IFIH1: variants seen among roughly 807,000 people sequenced by gnomAD.
IFIH1 encodes the protein interferon induced with helicase C domain 1, also known as interferon-induced helicase C domain-containing protein 1.
Under a neutral mutation model 107.4 loss-of-function variants are expected in IFIH1, and 125 were observed. The observed-to-expected ratio is 1.16, with a 90% CI of 1.01 to 1.35. The LOEUF is 1.35. IFIH1 is among the 40% of genes most tolerant of loss of function. IFIH1 has a pLI of 0.00. For missense variants in IFIH1, 1,333 were observed against 1,213.7 expected (o/e 1.10, Z -1.46); for synonymous variants, 458 against 413.2 (o/e 1.11, Z -1.31).
chr2:162,300,620 A>T (rs1265721795), intron 3 of IFIH1, among the ~76,000 whole-genome samples: 2 of 152,174 alleles, frequency 1.3e-5, no homozygotes, highest in African/African-American at 4.8e-5. Flanking sequence ...GCTCAAATTA[A>T]TATGTGTCTT....
intron 3 of IFIH1, among the ~76,000 whole-genome samples, chr2:162,306,435 TCTTATA>T (rs775976619): frequency 5.3e-5 from 8 of 152,214 alleles, no homozygotes; most frequent in Non-Finnish European, 1.0e-4. Context: ...TATAAGGCAT[TCTTATA>T]CTTATCTTAC....
chr2:162,277,352 A>G (rs1316329484), intron 10 of IFIH1, 63 bp downstream of exon 10: 1 of 1,138,322 alleles, frequency 8.8e-7, no homozygotes, highest in Non-Finnish European at 1.3e-6. Flanking sequence ...GCTTATGAGA[A>G]GCAGTAAGTT....
chr2:162,316,273 G>A (rs1171536075), intron 1 of IFIH1, among the ~76,000 whole-genome samples: 2 of 152,172 alleles, frequency 1.3e-5, no homozygotes, highest in African/African-American at 4.8e-5. Context: ...ACTTCTAACA[G>A]CTACTGTGGC....
chr2:162,281,209 C>A, intron 7 of IFIH1, 119 bp downstream of exon 7: 1 of 702,530 alleles, frequency 1.4e-6, no homozygotes, highest in South Asian at 1.9e-5. Flanking sequence ...CTAAAGCAAA[C>A]AGATTTCACT....
Position 162,318,262 on chromosome 2 carries a change from A to C in IFIH1, c.46T>G (p.Ser16Ala). 6.2e-7 allele frequency: 1 copy of C among 1,614,060 alleles called. No individual in the cohort carries two copies. The highest frequency in any genetic ancestry group is 8.5e-7 in the Non-Finnish European group (1 of 1,179,962). ...STDENFRYLISCFRARVKMYI... is the reference protein window; with the variant it reads ...STDENFRYLIACFRARVKMYI... ...ATTTTCACCCTGGCCCTGAAGCACG[A>C]GATGAGATAGCGGAAATTCTCGTCT... The change falls in exon 1 of 16, where the codon TCG (serine) becomes GCG (alanine). Residue 16 changes from serine (S) to alanine (A), a missense_variant. Physicochemically the swap from Ser to Ala is moderately conservative, Grantham distance 99 (BLOSUM62 1). Coordinates refer to ENST00000649979, the MANE Select transcript of IFIH1 (RefSeq NM_022168.4).
At chr2:162,296,675 C>A (rs1452716767) in intron 3 of IFIH1, among the ~76,000 whole-genome samples, 1 of 152,122 alleles carries the variant, frequency 6.6e-6, no homozygotes, top group East Asian at 1.9e-4. Context: ...TGTATTGTCA[C>A]ATTTCTATCC....
chr2:162,272,185 A>G (rs771849312), intron 13 of IFIH1, 41 bp downstream of exon 13: 4 of 1,558,230 alleles, frequency 2.6e-6, no homozygotes, highest in Non-Finnish European at 2.6e-6. Context: ...ACATGCCGCC[A>G]TTTTTAAATG....
chr2:162,267,644 C>A lies in IFIH1; in HGVS notation c.2808-75G>T, dbSNP rs3761652. On this transcript the variant is annotated intron_variant, in intron 14 of 15. Transcript: ENST00000649979. ...AGTGTGTAGTTCATGGGTTATTGGA[C>A]CTGGAGCTCATCCGCATGCCTGCGG... 0.033 allele frequency: 35,652 copies of A among 1,073,484 alleles called. 3,290 individuals are homozygous for A. The highest frequency in any genetic ancestry group is 0.29 in the Admixed American group (16,442 of 57,060). The allele number at this position is 1,073,484 out of a possible 1,614,324, so 66.5% of individuals were successfully genotyped here.
chr2:162,281,976 G>A (rs1173559894), intron 6 of IFIH1, among the ~76,000 whole-genome samples: 2 of 151,840 alleles, frequency 1.3e-5, no homozygotes, highest in Non-Finnish European at 2.9e-5. Flanking sequence ...TTTTAACATT[G>A]CATTTAGTTA....
chr2:162,302,961 G>A (rs1683217352), intron 3 of IFIH1, among the ~76,000 whole-genome samples: 1 of 152,262 alleles, frequency 6.6e-6, no homozygotes, highest in Non-Finnish European at 1.5e-5. Flanking sequence ...GGATTACTGT[G>A]CAGTTTACTG....
At chr2:162,311,084 T>G in intron 1 of IFIH1, 151 bp from the exon 2 acceptor site, 2 of 552,258 alleles carry the variant, frequency 3.6e-6, no homozygotes, top group Non-Finnish European at 6.1e-6. Flanking sequence ...ATGTTACCTG[T>G]AGCAATTCTG....
intron 13 of IFIH1, among the ~76,000 whole-genome samples, chr2:162,271,025 A>G (rs1691025749): frequency 6.6e-6 from 1 of 152,134 alleles, no homozygotes; most frequent in Admixed American, 6.5e-5. Flanking sequence ...TTCTAAATGG[A>G]TTGTTTGCTA....
intron 10 of IFIH1, 86 bp downstream of exon 10, chr2:162,277,329 C>T: frequency 1.1e-6 from 1 of 939,334 alleles, no homozygotes; most frequent in Non-Finnish European, 1.6e-6. Context: ...AAAGATATTT[C>T]TCTTTTTGGA....
At chr2:162,291,316 A>G (rs1385376008) in intron 4 of IFIH1, among the ~76,000 whole-genome samples, 1 of 151,830 alleles carries the variant, frequency 6.6e-6, no homozygotes, top group Non-Finnish European at 1.5e-5. Context: ...TGAAATCTAC[A>G]AAGTATTCCT....
At chr2:162,291,004 G>A (rs1405651337) in intron 4 of IFIH1, among the ~76,000 whole-genome samples, 1 of 151,700 alleles carries the variant, frequency 6.6e-6, no homozygotes, top group Non-Finnish European at 1.5e-5. Flanking sequence ...GAAATGTTTG[G>A]GTTTTTGATT....
chr2:162,303,692 CT>C (rs1230603908), intron 3 of IFIH1, among the ~76,000 whole-genome samples: 24 of 151,906 alleles, frequency 1.6e-4, no homozygotes, highest in African/African-American at 4.8e-4. Context: ...TTTCTGTCCC[CT>C]AATATCATTA....
At chr2:162,315,171 C>T (rs1450826815) in intron 1 of IFIH1, among the ~76,000 whole-genome samples, 1 of 152,136 alleles carries the variant, frequency 6.6e-6, no homozygotes, top group Non-Finnish European at 1.5e-5. Context: ...TTTAAGCCTT[C>T]AAAAAAGCAA....
rs145792185 is a variant in IFIH1 at position 162,277,693 on chromosome 2, G to A, written c.1766C>T (p.Ala589Val). 2 of 1,599,200 alleles carry A rather than the reference G, an allele frequency of 1.3e-6. No homozygotes were observed. Among genetic ancestry groups the A allele is most frequent in the Non-Finnish European group, 1.7e-6 (2 of 1,173,676 alleles). ...TTCTTTGCGATTTCCTTCTTTTGCA[G>A]CTGTGAAAAAATATATTATGTAAGT... ...EQWAIQMEKK[A>V]AKEGNRKERV... Residue 589 changes from alanine to valine, a missense_variant and splice_region_variant, in exon 10 of 16, where the codon GCT becomes GTT. Transcript: ENST00000649979.
At chr2:162,306,881 A>G (rs1467000120) in intron 2 of IFIH1, 26 bp from the exon 3 acceptor site, 19 of 1,609,194 alleles carry the variant, frequency 1.2e-5, no homozygotes. Flanking sequence ...TTAGAATGCA[A>G]ATCATAGTGC....
Sources: allele counts gnomAD v4.1 joint callset (sites outside exome capture counted in the v4.1 genomes callset), GRCh38; gene constraint gnomAD v4.1.1; transcripts MANE v1.5; gene names NCBI Gene and HGNC (gene_info 2026-07-23, HGNC 2026-07-21).